The following HLCS variants were observed in gnomAD, a reference collection of about 807,000 sequenced individuals.
HLCS encodes the protein biotin--protein ligase.
Under a neutral mutation model 75.0 loss-of-function variants are expected in HLCS, and 53 were observed. That is an observed-to-expected ratio of 0.71 (90% CI 0.57 to 0.89). The LOEUF is 0.89. Ranked by LOEUF, HLCS falls within the 40% of genes least tolerant of loss-of-function variation. The pLI, the probability that HLCS is intolerant of heterozygous loss-of-function variation, is 0.00. For missense variants in HLCS, 966 were observed against 1,074.0 expected, an observed-to-expected ratio of 0.90 and a Z score of 1.41; for synonymous variants, 431 against 428.6, an observed-to-expected ratio of 1.01 and a Z score of -0.07.
intron 6 of HLCS, among the ~76,000 whole-genome samples, chr21:36,829,551 A>T (rs1049433201): frequency 6.6e-6 from 1 of 152,248 alleles, no homozygotes; most frequent in Non-Finnish European, 1.5e-5. Flanking sequence ...GAATATTAAT[A>T]TACTATACAG....
At chr21:36,792,630 A>T (rs1006514484) in intron 6 of HLCS, among the ~76,000 whole-genome samples, 4 of 152,162 alleles carry the variant, frequency 2.6e-5, no homozygotes, top group Admixed American at 2.6e-4. Flanking sequence ...CCATTTGTAG[A>T]TGAGGCACCT....
chr21:36,756,892 C>A, intron 9 of HLCS, 137 bp from the exon 10 acceptor site: 5 of 1,535,718 alleles, frequency 3.3e-6, no homozygotes, highest in Non-Finnish European at 4.4e-6. Context: ...GTGTCTCTAA[C>A]CACTTGAAGA....
chr21:36,777,785 C>G (rs767391273), intron 6 of HLCS, among the ~76,000 whole-genome samples: 6 of 152,134 alleles, frequency 3.9e-5, no homozygotes, highest in Non-Finnish European at 8.8e-5. Context: ...GCAGTGCTGT[C>G]TCCTGACATC....
At chr21:36,891,838 C>T (rs189032583) in intron 6 of HLCS, among the ~76,000 whole-genome samples, 139 of 152,242 alleles carry the variant, frequency 9.1e-4, no homozygotes, top group African/African-American at 3.2e-3. Context: ...TGGGGCTGTC[C>T]CTGCAGCCCC....
chr21:36,962,546 G>T (rs1039798355), intron 1 of HLCS, among the ~76,000 whole-genome samples: 7 of 152,066 alleles, frequency 4.6e-5, no homozygotes, highest in Non-Finnish European at 8.8e-5. Flanking sequence ...CTAGCACTTT[G>T]GGAGGCCAAG....
At chr21:36,908,065 T>A (rs1348511675) in intron 5 of HLCS, among the ~76,000 whole-genome samples, 1 of 148,820 alleles carries the variant, frequency 6.7e-6, no homozygotes, top group Non-Finnish European at 1.5e-5. Context: ...CAAGACCCTG[T>A]CTCCAAAAAA....
intron 6 of HLCS, among the ~76,000 whole-genome samples, chr21:36,844,645 G>T (rs1281823812): frequency 6.6e-6 from 1 of 151,068 alleles, no homozygotes; most frequent in Non-Finnish European, 1.5e-5. Flanking sequence ...CACGGTCAGT[G>T]ATTTATACAG....
intron 6 of HLCS, among the ~76,000 whole-genome samples, chr21:36,869,613 T>G (rs1444952679): frequency 6.6e-6 from 1 of 152,190 alleles, no homozygotes; most frequent in Non-Finnish European, 1.5e-5. Context: ...CTTAAGAAAT[T>G]TCATGATACA....
At chr21:36,888,494 A>ATATATATTTATT (rs2064626967) in intron 6 of HLCS, among the ~76,000 whole-genome samples, 1 of 93,050 alleles carries the variant, frequency 1.1e-5, no homozygotes, top group Non-Finnish European at 2.0e-5. Flanking sequence ...ATATATATAT[A>ATATATATTTATT]TATTTATTTA....
In HLCS at chr21:36,909,187, A is replaced by T. The variant is rs533883453; in HGVS notation, c.1621-12056T>A. ...ACTCCAGCCTGGGCAACAGAGCGAG[A>T]CTCCATCTCAAAAAAAAGAAAGGTA... On this transcript the variant is annotated intron_variant, in intron 5 of 10. Coordinates refer to ENST00000674895, the MANE Select transcript of HLCS (RefSeq NM_001352514.2). Among the ~76,000 whole-genome samples the T allele has an allele frequency of 2.0e-5, 3 of 152,218 alleles. No individual in the cohort carries two copies. The South Asian group carries it at 6.2e-4, about 32-fold the overall frequency.
intron 7 of HLCS, among the ~76,000 whole-genome samples, chr21:36,766,319 G>A (rs919147506): frequency 2.0e-5 from 3 of 152,036 alleles, no homozygotes; most frequent in Non-Finnish European, 2.9e-5. Context: ...CACTATGCCT[G>A]GCCTACTTTT....
rs542974987 is a variant in HLCS at position 36,783,910 on chromosome 21, A to G, written c.1893-16625T>C. Among the ~76,000 whole-genome samples the G allele has an allele frequency of 3.7e-3, 559 of 152,312 alleles. 14 individuals carry two copies. Among genetic ancestry groups the G allele is most frequent in the Non-Finnish European group, 7.3e-4 (50 of 68,034 alleles). The stretch of plus-strand genomic sequence containing the variant: ...GCAGGCTTCCAACAGTGAGCACACC[A>G]GCCAACATGGCACCATCTTTCCACT... On this transcript the variant is annotated intron_variant, in intron 6 of 10. Coordinates refer to ENST00000674895, the MANE Select transcript of HLCS (RefSeq NM_001352514.2).
At chr21:36,767,686 C>G (rs1052500321) in intron 6 of HLCS, among the ~76,000 whole-genome samples, 8 of 152,028 alleles carry the variant, frequency 5.3e-5, no homozygotes, top group Non-Finnish European at 1.5e-5. Flanking sequence ...TTTGTTCCTA[C>G]TTAGGGTGCA....
At chr21:36,896,617 CA>C (rs2065021085) in intron 6 of HLCS, 1 of 551,760 alleles carries the variant, frequency 1.8e-6, no homozygotes, top group African/African-American at 1.9e-5. Context: ...GGGCCTGATT[CA>C]AAGAAGCAAG....
chr21:36,755,573 C>T (rs78427363), intron 10 of HLCS, among the ~76,000 whole-genome samples: 306 of 152,352 alleles, frequency 2.0e-3, no homozygotes, highest in African/African-American at 7.1e-3. Context: ...GTCATTCCCA[C>T]TGTCCTTTTA....
chr21:36,849,186 A>G (rs941981808), intron 6 of HLCS, among the ~76,000 whole-genome samples: 6 of 152,344 alleles, frequency 3.9e-5, no homozygotes, highest in African/African-American at 1.4e-4. Flanking sequence ...AGTTTGTTAC[A>G]TGCCTAGTTT....
At chr21:36,770,046 T>A (rs1652172398) in intron 6 of HLCS, among the ~76,000 whole-genome samples, 1 of 151,498 alleles carries the variant, frequency 6.6e-6, no homozygotes, top group African/African-American at 2.4e-5. Flanking sequence ...TAATTTGTAA[T>A]CAAATCATTA....
At chr21:36,761,899 G>A (rs1015357872) in intron 8 of HLCS, among the ~76,000 whole-genome samples, 2 of 152,220 alleles carry the variant, frequency 1.3e-5, no homozygotes, top group Non-Finnish European at 2.9e-5. Flanking sequence ...CGCCACGTGC[G>A]TGGCAGCTGG....
chr21:36,759,010 G>A (rs2089720951), intron 9 of HLCS: 1 of 427,220 alleles, frequency 2.3e-6, no homozygotes, highest in East Asian at 7.1e-5. Context: ...AGGAAATGGA[G>A]CTTTAAGGGT....
Sources: gnomAD v4.1 joint callset for allele counts (sites outside exome capture counted in the v4.1 genomes callset) on GRCh38, gnomAD v4.1.1 for gene constraint, MANE v1.5 for transcripts, NCBI Gene and HGNC (gene_info 2026-07-23, HGNC 2026-07-21) for gene names.